NAV3: variants seen among roughly 807,000 people sequenced by gnomAD.
The protein encoded by NAV3 is pore membrane and/or filament interacting like protein 1.
A neutral mutation model predicts 244.7 loss-of-function variants in NAV3; 87 were observed. The observed-to-expected ratio is 0.36, with a 90% CI of 0.30 to 0.42. The LOEUF (loss-of-function observed/expected upper bound fraction) is 0.42. NAV3 is among the 20% of genes least tolerant of loss of function. The pLI is 1.00. For synonymous variants in NAV3, 1,126 were observed against 1,042.2 expected (o/e 1.08, Z -1.55); for missense variants, 2,663 against 2,893.3 (o/e 0.92, Z 1.83).
rs192962091 is a variant in NAV3 at position 77,668,508 on chromosome 12, A to G, written c.72+96242A>G. ...CAAAATGCACTGAAAAGTCTCAGCA[A>G]TAGAATTGAACAACAAGAAGAAAGA... On this transcript the variant is annotated intron_variant, in intron 2 of 8. Coordinates refer to the NAV3 transcript ENST00000550042. Among the ~76,000 whole-genome samples, 1,066 of 152,306 alleles carry G rather than the reference A, an allele frequency of 7.0e-3. 46 individuals are homozygous for G. Among genetic ancestry groups the G allele is most frequent in the Non-Finnish European group, 1.6e-3 (111 of 68,010 alleles).
chr12:78,049,460 A>T (rs557107183), intron 9 of NAV3, among the ~76,000 whole-genome samples: 2 of 152,200 alleles, frequency 1.3e-5, no homozygotes, highest in Admixed American at 1.3e-4. Context: ...TGGCTAGGGG[A>T]GGGAGTTCCC....
chr12:77,713,419 T>C (rs1172060784), intron 2 of NAV3, among the ~76,000 whole-genome samples: 1 of 152,196 alleles, frequency 6.6e-6, no homozygotes, highest in Admixed American at 6.5e-5. Flanking sequence ...TTCAGTTTTA[T>C]ATACTGTTTG....
intron 2 of NAV3, among the ~76,000 whole-genome samples, chr12:77,798,554 A>T (rs1299412431): frequency 7.8e-5 from 1 of 12,766 alleles, no homozygotes; most frequent in Non-Finnish European, 9.6e-3. Context: ...AGGAAAGAGA[A>T]TAATAGTAAA....
At chr12:77,612,015 T>C (rs533734745) in intron 2 of NAV3, among the ~76,000 whole-genome samples, 1 of 152,188 alleles carries the variant, frequency 6.6e-6, no homozygotes, top group African/African-American at 2.4e-5. Flanking sequence ...TTTATTCTTA[T>C]GATTTCATTG....
intron 2 of NAV3, among the ~76,000 whole-genome samples, chr12:77,678,587 T>C (rs1052312668): frequency 5.9e-5 from 9 of 152,212 alleles, no homozygotes; most frequent in Non-Finnish European, 2.9e-5. Context: ...TGCGGAATGC[T>C]AGCTGGTGCT....
At chr12:78,053,167 T>G (rs1359104508) in intron 11 of NAV3, among the ~76,000 whole-genome samples, 1 of 151,448 alleles carries the variant, frequency 6.6e-6, no homozygotes, top group African/African-American at 2.4e-5. Context: ...GAGCTGAGAT[T>G]GCACCACTGC....
chr12:78,161,408 G>A (rs1037662201), intron 23 of NAV3, among the ~76,000 whole-genome samples: 1 of 151,902 alleles, frequency 6.6e-6, no homozygotes, highest in Non-Finnish European at 1.5e-5. Context: ...TCTTTAATAA[G>A]TCAAAATTAA....
intron 1 of NAV3, among the ~76,000 whole-genome samples, chr12:77,915,309 G>T (rs1887015830): frequency 6.6e-6 from 1 of 151,992 alleles, no homozygotes; most frequent in Admixed American, 6.6e-5. Context: ...TTATGTGAAT[G>T]ATTAAATTAA....
At chr12:78,161,283 A>G (rs1957534949) in intron 23 of NAV3, among the ~76,000 whole-genome samples, 1 of 152,080 alleles carries the variant, frequency 6.6e-6, no homozygotes, top group Non-Finnish European at 1.5e-5. Context: ...AAAAAATATT[A>G]CCTTCCTTTA....
chr12:77,871,157 C>A (rs548038463), intron 1 of NAV3, among the ~76,000 whole-genome samples: 15 of 151,900 alleles, frequency 9.9e-5, no homozygotes, highest in African/African-American at 3.4e-4. Flanking sequence ...TTTAAGAAAG[C>A]AAAATTTACA....
At chr12:77,889,572 T>G (rs1883696243) in intron 1 of NAV3, among the ~76,000 whole-genome samples, 1 of 152,232 alleles carries the variant, frequency 6.6e-6, no homozygotes, top group Admixed American at 6.5e-5. Context: ...GTAAATATTA[T>G]TTTACTTTGC....
intron 2 of NAV3, among the ~76,000 whole-genome samples, chr12:77,606,580 T>C (rs547634085): frequency 8.5e-5 from 13 of 152,274 alleles, no homozygotes; most frequent in Non-Finnish European, 1.6e-4. Context: ...TAGTATGAGC[T>C]CAATAAATAT....
At chr12:77,762,719 G>GTTT (rs1255540086) in intron 2 of NAV3, among the ~76,000 whole-genome samples, 4 of 88,780 alleles carry the variant, frequency 4.5e-5, no homozygotes, top group African/African-American at 1.5e-4. Context: ...GGCTTCATGG[G>GTTT]TTTTTTGTTG....
chr12:77,794,577 T>G (rs1871323817), intron 2 of NAV3, among the ~76,000 whole-genome samples: 1 of 152,206 alleles, frequency 6.6e-6, no homozygotes, highest in Non-Finnish European at 1.5e-5. Context: ...TTCCTTGTGT[T>G]GTGCTTTGGT....
intron 2 of NAV3, among the ~76,000 whole-genome samples, chr12:77,675,882 C>G (rs969581612): frequency 1.9e-4 from 29 of 152,064 alleles, no homozygotes; most frequent in African/African-American, 7.0e-4. Context: ...TGACACATGG[C>G]CTTCTGTCCT....
intron 39 of NAV3, 38 bp downstream of exon 39, chr12:78,205,176 G>A (rs1042399917): frequency 6.3e-7 from 1 of 1,576,272 alleles, no homozygotes; most frequent in Non-Finnish European, 8.7e-7. Context: ...ATGTAATCTT[G>A]ACTACAGTGT....
At chr12:78,125,132 A>T (rs1209794914) in intron 16 of NAV3, among the ~76,000 whole-genome samples, 1 of 152,178 alleles carries the variant, frequency 6.6e-6, no homozygotes, top group Admixed American at 6.5e-5. Flanking sequence ...TGGCTTCATT[A>T]TGGTTAATTA....
chr12:77,633,075 T>G (rs899698900), intron 2 of NAV3, among the ~76,000 whole-genome samples: 2 of 152,100 alleles, frequency 1.3e-5, no homozygotes, highest in South Asian at 4.1e-4. Flanking sequence ...ACTCAGTTAT[T>G]AGGTGAATTT....
chr12:78,204,197 A>C (rs978449996), intron 38 of NAV3, among the ~76,000 whole-genome samples: 1 of 149,666 alleles, frequency 6.7e-6, no homozygotes, highest in Non-Finnish European at 1.5e-5. Context: ...CACTCCGGGG[A>C]CTGTTGTGGG....
Sources: gnomAD v4.1 joint callset for allele counts (sites outside exome capture counted in the v4.1 genomes callset) on GRCh38, gnomAD v4.1.1 for gene constraint, MANE v1.5 for transcripts, NCBI Gene and HGNC (gene_info 2026-07-23, HGNC 2026-07-21) for gene names.